The following SDK1 variants were observed in gnomAD, a reference collection of about 807,000 sequenced individuals.
SDK1 encodes sidekick cell adhesion molecule 1.
SDK1 carries 157 observed loss-of-function variants against 245.5 expected under a neutral mutation model. The ratio of observed to expected loss-of-function variants is 0.64; its 90% confidence interval spans 0.56 to 0.73. SDK1 has a LOEUF of 0.73. Ranked by LOEUF, SDK1 falls within the 30% of genes least tolerant of loss-of-function variation. The pLI is 0.00. For missense variants in SDK1, 3,583 were observed against 3,002.3 expected, an observed-to-expected ratio of 1.19 and a Z score of -4.52; for synonymous variants, 1,647 against 1,278.5, an observed-to-expected ratio of 1.29 and a Z score of -6.15.
Position 3,619,088 on chromosome 7 carries a change from G to A in SDK1, c.307G>A (p.Ala103Thr). Reference sequence around the variant, plus strand: ...GTTTTTTAATATTTCAGATGATGTTGCTCCATATTTTAAAACGGAGCCAGG... The same window carrying A: ...GTTTTTTAATATTTCAGATGATGTTACTCCATATTTTAAAACGGAGCCAGG... ...LLRALAQDDV[A>T]PYFKTEPGLP... The change falls in exon 2 of 45, where the codon GCT (alanine) becomes ACT (threonine). Residue 103 changes from alanine to threonine, a missense_variant. Transcript: ENST00000404826. The A allele has an allele frequency of 6.3e-7, 1 of 1,595,842 alleles. No homozygotes were observed. The highest frequency in any genetic ancestry group is 8.6e-7 in the Non-Finnish European group (1 of 1,168,052).
chr7:3,938,459 G>A (rs567463490), intron 5 of SDK1, among the ~76,000 whole-genome samples: 88 of 152,080 alleles, frequency 5.8e-4, no homozygotes, highest in Non-Finnish European at 1.1e-3. Context: ...TGGCGAACAC[G>A]GTGAAACCCT....
At chr7:4,087,080 C>G (rs1184999019) in intron 22 of SDK1, among the ~76,000 whole-genome samples, 1 of 151,778 alleles carries the variant, frequency 6.6e-6, no homozygotes, top group Non-Finnish European at 1.5e-5. Context: ...TCTTGCATGC[C>G]TCTGGTTTTT....
chr7:3,971,375 T>A (rs1782474333), intron 11 of SDK1, 91 bp from the exon 12 acceptor site: 5 of 812,858 alleles, frequency 6.2e-6, no homozygotes, highest in Non-Finnish European at 1.0e-5. Context: ...TCGGAGGTTG[T>A]GATGTCAGAT....
intron 1 of SDK1, among the ~76,000 whole-genome samples, chr7:3,406,794 C>T (rs983129258): frequency 3.3e-5 from 5 of 152,122 alleles, no homozygotes; most frequent in Non-Finnish European, 7.4e-5. Flanking sequence ...GAGACTTAAA[C>T]ATGTGCGTGT....
intron 1 of SDK1, among the ~76,000 whole-genome samples, chr7:3,333,869 G>T (rs77632079): frequency 6.6e-6 from 1 of 152,204 alleles, no homozygotes; most frequent in Non-Finnish European, 1.5e-5. Context: ...AATTCCCAAG[G>T]CTGCCCTGTG....
At chr7:3,664,536 C>G (rs576413270) in intron 4 of SDK1, among the ~76,000 whole-genome samples, 45 of 152,068 alleles carry the variant, frequency 3.0e-4, no homozygotes, top group African/African-American at 1.0e-3. Flanking sequence ...GTTAGGAGAT[C>G]GAGATCAGCC....
chr7:3,433,616 G>A (rs1779930888), intron 1 of SDK1, among the ~76,000 whole-genome samples: 1 of 152,160 alleles, frequency 6.6e-6, no homozygotes, highest in Non-Finnish European at 1.5e-5. Flanking sequence ...ATTAAAGACT[G>A]GCTGGCCAAG....
At chr7:3,750,910 AG>A (rs1779755636) in intron 4 of SDK1, among the ~76,000 whole-genome samples, 1 of 152,204 alleles carries the variant, frequency 6.6e-6, no homozygotes, top group Non-Finnish European at 1.5e-5. Flanking sequence ...TAGCGCTAAC[AG>A]CACAGAAGAG....
intron 1 of SDK1, among the ~76,000 whole-genome samples, chr7:3,358,425 C>T (rs1028319141): frequency 2.6e-5 from 3 of 114,618 alleles, no homozygotes; most frequent in African/African-American, 9.2e-5. Context: ...CTAATCATTA[C>T]AACGTTTTTT....
intron 17 of SDK1, among the ~76,000 whole-genome samples, chr7:4,024,852 G>GTA (rs993561672): frequency 2.0e-5 from 3 of 151,974 alleles, no homozygotes; most frequent in African/African-American, 7.3e-5. Context: ...TTCATTCTGT[G>GTA]TATATCAGCC....
chr7:3,634,078 T>G (rs1243193226), intron 2 of SDK1, among the ~76,000 whole-genome samples: 1 of 152,164 alleles, frequency 6.6e-6, no homozygotes, highest in African/African-American at 2.4e-5. Flanking sequence ...ATGTGTCTAA[T>G]TGGCCATGCT....
intron 4 of SDK1, among the ~76,000 whole-genome samples, chr7:3,707,945 C>T (rs1784938240): frequency 6.6e-6 from 1 of 152,084 alleles, no homozygotes; most frequent in Non-Finnish European, 1.5e-5. Context: ...TTTTATGAAT[C>T]CTCATGTATT....
chr7:3,391,864 A>G lies in SDK1; in HGVS notation c.298+89980A>G, dbSNP rs555462756. Among the ~76,000 whole-genome samples, 42 of 151,862 alleles carry G rather than the reference A, an allele frequency of 2.8e-4. No homozygotes were observed. The South Asian group carries it at 8.3e-3, about 30-fold the overall frequency. ...GGCTGGTCTCAAACTCCTGAGCTCA[A>G]GCAATGCACCTGCGTTGCCCTCCCA... is the stretch of plus-strand genomic sequence containing the variant. On this transcript the variant is annotated intron_variant, in intron 1 of 44. Transcript: ENST00000404826.
intron 1 of SDK1, among the ~76,000 whole-genome samples, chr7:3,558,630 G>C (rs563378032): frequency 2.0e-5 from 3 of 152,334 alleles, no homozygotes; most frequent in Admixed American, 2.0e-4. Context: ...GGGCAATGCA[G>C]ACACAGCTGT....
intron 28 of SDK1, among the ~76,000 whole-genome samples, chr7:4,141,658 C>T (rs190126999): frequency 5.9e-5 from 9 of 152,308 alleles, no homozygotes; most frequent in East Asian, 1.9e-4. Flanking sequence ...TCCTGGCCAT[C>T]GGGGATGCTG....
intron 5 of SDK1, among the ~76,000 whole-genome samples, chr7:3,858,251 T>A (rs1005856181): frequency 8.6e-5 from 13 of 151,934 alleles, no homozygotes; most frequent in African/African-American, 1.2e-4. Context: ...ATCATTTTTT[T>A]AAAAAAACAC....
rs1167125549 is a variant in SDK1, at chr7:3,631,939, G to T, written c.459-7065G>T. ...TATAATGTTTAATAGAGTGGTTTAG[G>T]TCTTTTTTCCATTATGCGTTGGAAT... On this transcript the variant is annotated intron_variant, in intron 2 of 44. Transcript: ENST00000404826. 1.3e-5 allele frequency among the ~76,000 whole-genome samples: 2 copies of T among 152,120 alleles called. 1 individual carries two copies. Among genetic ancestry groups the T allele is most frequent in the South Asian group, 4.1e-4 (2 of 4,828 alleles).
intron 1 of SDK1, chr7:3,476,068 A>C (rs1781339554): frequency 6.6e-6 from 1 of 152,524 alleles, no homozygotes; most frequent in African/African-American, 2.4e-5. Flanking sequence ...TTTAAAACTC[A>C]ATTTAAAACC....
At chr7:4,153,528 G>A (rs1780525804) in intron 30 of SDK1, among the ~76,000 whole-genome samples, 1 of 152,204 alleles carries the variant, frequency 6.6e-6, no homozygotes, top group Non-Finnish European at 1.5e-5. Flanking sequence ...GGAGATTGCA[G>A]TGAGCTGAGA....
Sources: gnomAD v4.1 joint callset for allele counts (sites outside exome capture counted in the v4.1 genomes callset) on GRCh38, gnomAD v4.1.1 for gene constraint, MANE v1.5 for transcripts, NCBI Gene and HGNC (gene_info 2026-07-23, HGNC 2026-07-21) for gene names.